Variants in SERINC5 observed in about 807,000 individuals in gnomAD.
SERINC5 encodes chromosome 5 open reading frame 12.
Under a neutral mutation model 63.1 loss-of-function variants are expected in SERINC5, and 41 were observed. That is an observed-to-expected ratio of 0.65 (90% confidence interval 0.51 to 0.84). SERINC5 has a LOEUF of 0.84. Among genes scored for constraint, SERINC5 ranks in the 40% least tolerant of loss-of-function variants. The probability of loss-of-function intolerance (pLI) is 0.00; values close to 1 mark genes in which losing one functional copy is unlikely to be tolerated. For missense variants in SERINC5, 523 were observed against 573.0 expected, an observed-to-expected ratio of 0.91 and a Z score of 0.89; for synonymous variants, 222 against 215.2, an observed-to-expected ratio of 1.03 and a Z score of -0.28.
intron 1 of SERINC5, among the ~76,000 whole-genome samples, chr5:80,218,416 C>G (rs918286002): frequency 6.6e-6 from 1 of 152,100 alleles, no homozygotes; most frequent in Admixed American, 6.6e-5. Flanking sequence ...GGCACATGCC[C>G]GTAATCCCAG....
intron 2 of SERINC5, among the ~76,000 whole-genome samples, chr5:80,191,557 A>G (rs927784969): frequency 2.0e-5 from 3 of 150,480 alleles, no homozygotes; most frequent in Non-Finnish European, 1.5e-5. Context: ...CCGGTTACTC[A>G]GCAGGCTGAA....
At chr5:80,226,608 C>T (rs147397358) in intron 1 of SERINC5, among the ~76,000 whole-genome samples, 127 of 152,308 alleles carry the variant, frequency 8.3e-4, no homozygotes, top group African/African-American at 2.6e-3. Context: ...CTAGTCCTGA[C>T]CTTGAGATGT....
chr5:80,146,107 G>A lies in SERINC5; in HGVS notation c.1221C>T (p.Thr407=), dbSNP rs116691179. The change falls in exon 11 of 12, where the codon ACC becomes ACT. Residue 407 remains threonine (T), a synonymous_variant. Transcript: ENST00000507668. ...CCACTCACTTGAACCAGTTGGTGAC[G>A]GTCATCATCACATACAGGGAAGCTA... ...FFLASLYVMM[T]VTNWFNYESA... 2.2e-3 allele frequency: 3,516 copies of A among 1,613,992 alleles called. 66 individuals are homozygous for A. In the African/African-American group the frequency reaches 0.04, roughly 18 times the overall value.
chr5:80,135,806 A>G (rs1745146450), downstream of SERINC5, among the ~76,000 whole-genome samples: 1 of 151,572 alleles, frequency 6.6e-6, no homozygotes, highest in Admixed American at 6.6e-5. Context: ...TAAAAATAGC[A>G]ACTAGATAGC....
At chr5:80,179,089 C>T (rs770346035) in intron 2 of SERINC5, among the ~76,000 whole-genome samples, 8 of 151,980 alleles carry the variant, frequency 5.3e-5, no homozygotes, top group East Asian at 1.9e-4. Flanking sequence ...CACCTGAGGT[C>T]GGGAGTTTGA....
At chr5:80,195,966 G>C (rs1439269169) in intron 2 of SERINC5, among the ~76,000 whole-genome samples, 1 of 152,164 alleles carries the variant, frequency 6.6e-6, no homozygotes, top group Non-Finnish European at 1.5e-5. Context: ...TCTGAGGGCA[G>C]CTGGGAACAT....
chr5:80,113,353 C>T (rs981412830), intron 12 of SERINC5, among the ~76,000 whole-genome samples: 1 of 152,074 alleles, frequency 6.6e-6, no homozygotes, highest in African/African-American at 2.4e-5. Context: ...CATTTCTAGT[C>T]TGCATTCTGC....
chr5:80,240,922 C>T (rs1224245216), intron 1 of SERINC5, among the ~76,000 whole-genome samples: 1 of 152,204 alleles, frequency 6.6e-6, no homozygotes, highest in East Asian at 1.9e-4. Context: ...ATCCGCCCAC[C>T]TCAGTCCCCA....
chr5:80,171,001 G>A (rs750986533), intron 5 of SERINC5, among the ~76,000 whole-genome samples: 13 of 152,052 alleles, frequency 8.5e-5, no homozygotes, highest in Non-Finnish European at 1.8e-4. Context: ...GTAAGACCCT[G>A]TCTAAATTTT....
rs932222106 is a variant in SERINC5 at position 80,222,642 on chromosome 5, G to A, written c.28-19589C>T. Among the ~76,000 whole-genome samples, 2 of 151,754 alleles carry A rather than the reference G, an allele frequency of 1.3e-5. 1 individual carries two copies. Among genetic ancestry groups the A allele is most frequent in the Non-Finnish European group, 2.9e-5 (2 of 67,972 alleles). On this transcript the variant is annotated intron_variant, in intron 1 of 11. Coordinates refer to ENST00000507668, the MANE Select transcript of SERINC5 (RefSeq NM_001174072.3). ...GGCTGGAGTGCAATGGAGCGATCTC[G>A]GCTCACTGCAACCTCTGGCTCCTGG...
downstream of SERINC5, among the ~76,000 whole-genome samples, chr5:80,137,176 C>T (rs185579836): frequency 3.0e-5 from 4 of 135,076 alleles, no homozygotes; most frequent in Non-Finnish European, 6.4e-5. Flanking sequence ...AAAAAAACAC[C>T]TAAAAACCTG....
chr5:80,139,190 T>C lies in SERINC5; in HGVS notation c.*4473A>G, dbSNP rs555482333. On this transcript the variant is annotated 3_prime_UTR_variant, in exon 12 of 12. Coordinates refer to ENST00000507668, the MANE Select transcript of SERINC5 (RefSeq NM_001174072.3). ...AATCGTTTCAGAAAAGTTTAAAAAA[T>C]TAGCAAAGTTATATCTATAAAACTT... 1.7e-4 allele frequency: 167 copies of C among 982,406 alleles called. No individual in the cohort carries two copies. In the African/African-American group the frequency reaches 2.8e-3, roughly 17 times the overall value. The allele number at this position is 982,406 out of a possible 1,614,324, so 60.9% of individuals were successfully genotyped here.
Position 80,140,207 on chromosome 5 carries a change from T to A in SERINC5, c.*3456A>T. ...GATGGGGCAAACCTGTGGTCTCAGC[T>A]ACTTGGGAGGTGGTCCTTGAGCCCA... On this transcript the variant is annotated 3_prime_UTR_variant, in exon 12 of 12. Transcript: ENST00000507668. 1 of 750,302 alleles carries A rather than the reference T, an allele frequency of 1.3e-6. No individual in the cohort carries two copies. Among genetic ancestry groups the A allele is most frequent in the Non-Finnish European group, 1.6e-6 (1 of 619,678 alleles). The allele number at this position is 750,302 out of a possible 1,614,324, so 46.5% of individuals were successfully genotyped here. A position where few individuals can be genotyped will look rare whatever the true frequency, so the allele number is the denominator to read the frequency against.
chr5:80,159,117 C>T (rs1393290228), intron 7 of SERINC5, among the ~76,000 whole-genome samples, 155 bp from the exon 8 acceptor site: 3 of 152,192 alleles, frequency 2.0e-5, no homozygotes, highest in African/African-American at 7.2e-5. Flanking sequence ...AGGCTGTTTC[C>T]ATGCAGACTG....
intron 1 of SERINC5, among the ~76,000 whole-genome samples, chr5:80,216,326 T>C (rs1750662204): frequency 6.6e-6 from 1 of 152,136 alleles, no homozygotes; most frequent in Non-Finnish European, 1.5e-5. Context: ...TGATCAGAAA[T>C]GTCTCCAGAC....
chr5:80,229,341 ATTTT>A (rs59664490), intron 1 of SERINC5, among the ~76,000 whole-genome samples: 2 of 120,224 alleles, frequency 1.7e-5, no homozygotes, highest in African/African-American at 3.2e-5. Flanking sequence ...TACTTACACA[ATTTT>A]TTTTTTTTTT....
At chr5:80,147,877 T>G (rs1032737282) in intron 9 of SERINC5, among the ~76,000 whole-genome samples, 8 of 152,188 alleles carry the variant, frequency 5.3e-5, no homozygotes, top group Admixed American at 3.9e-4. Flanking sequence ...TTGGGCTTAT[T>G]ATTATCCTGT....
At chr5:80,230,251 A>T (rs191888091) in intron 1 of SERINC5, among the ~76,000 whole-genome samples, 1 of 152,196 alleles carries the variant, frequency 6.6e-6, no homozygotes, top group Non-Finnish European at 1.5e-5. Flanking sequence ...CAGGCAGATC[A>T]CTTGAAGTCA....
chr5:80,218,266 C>T (rs1428811604), intron 1 of SERINC5, among the ~76,000 whole-genome samples: 1 of 152,188 alleles, frequency 6.6e-6, no homozygotes, highest in Non-Finnish European at 1.5e-5. Flanking sequence ...CCTGGCTGGG[C>T]GCAGTGGCTC....
Sources: gnomAD v4.1 joint callset for allele counts (sites outside exome capture counted in the v4.1 genomes callset) on GRCh38, gnomAD v4.1.1 for gene constraint, MANE v1.5 for transcripts, NCBI Gene and HGNC (gene_info 2026-07-23, HGNC 2026-07-21) for gene names.